Variants in GPR149 observed in about 807,000 individuals in gnomAD.
The protein encoded by GPR149 is probable G protein-coupled receptor 149.
GPR149 carries 50 observed loss-of-function variants against 50.2 expected under a neutral mutation model. The observed-to-expected ratio is 1.00, with a 90% CI of 0.79 to 1.26. The LOEUF (loss-of-function observed/expected upper bound fraction) is 1.26, where lower values mean the gene tolerates loss of function less well. Among genes scored for constraint, GPR149 ranks in the 50% most tolerant of loss-of-function variants. GPR149 has a pLI of 0.00. For synonymous variants in GPR149, 405 were observed against 358.2 expected, an observed-to-expected ratio of 1.13 and a Z score of -1.48; for missense variants, 983 against 895.4, an observed-to-expected ratio of 1.10 and a Z score of -1.25.
chr3:154,417,008 T>C (rs1712011056), intron 3 of GPR149, among the ~76,000 whole-genome samples: 1 of 151,928 alleles, frequency 6.6e-6, no homozygotes, highest in Admixed American at 6.6e-5. Flanking sequence ...GGTAATTTTA[T>C]GAACTTGGTA....
At chr3:154,382,386 G>A (rs1381185866) in intron 3 of GPR149, among the ~76,000 whole-genome samples, 1 of 152,174 alleles carries the variant, frequency 6.6e-6, no homozygotes, top group Non-Finnish European at 1.5e-5. Context: ...GGTGGATGGT[G>A]TGGGGAAACA....
intron 2 of GPR149, among the ~76,000 whole-genome samples, chr3:154,424,448 A>G (rs1712237221): frequency 6.6e-6 from 1 of 151,938 alleles, no homozygotes; most frequent in Admixed American, 6.6e-5. Context: ...AAAAAATGGT[A>G]TCTTTATAAT....
At chr3:154,407,719 C>CACACACACACACACACACACAT (rs759884952) in intron 3 of GPR149, among the ~76,000 whole-genome samples, 12 of 150,464 alleles carry the variant, frequency 8.0e-5, no homozygotes, top group East Asian at 5.9e-4. Context: ...CACACACACA[C>CACACACACACACACACACACAT]ATATATATAT....
intron 3 of GPR149, among the ~76,000 whole-genome samples, chr3:154,356,973 T>C (rs1013090862): frequency 1.2e-4 from 19 of 152,064 alleles, no homozygotes; most frequent in Admixed American, 8.5e-4. Context: ...GGTACTGGTA[T>C]CAAAACAGAG....
intron 3 of GPR149, among the ~76,000 whole-genome samples, chr3:154,377,994 T>G (rs1363838575): frequency 6.6e-6 from 1 of 152,058 alleles, no homozygotes; most frequent in Non-Finnish European, 1.5e-5. Flanking sequence ...CTTTGCATAC[T>G]GTTTTTGAAG....
intron 1 of GPR149, among the ~76,000 whole-genome samples, 175 bp downstream of exon 1, chr3:154,428,460 C>T (rs949195167): frequency 1.3e-5 from 2 of 152,190 alleles, no homozygotes; most frequent in Non-Finnish European, 2.9e-5. Flanking sequence ...AGCCAACTAG[C>T]CCTGTCCCGA....
chr3:154,392,427 G>A (rs7641081), intron 3 of GPR149, among the ~76,000 whole-genome samples: 98,807 of 151,502 alleles, frequency 0.65, 32,532 homozygotes, highest in East Asian at 0.8. Flanking sequence ...CTTAGGGGAT[G>A]CAGCAAAAGA....
At chr3:154,392,781 T>A (rs1483894740) in intron 3 of GPR149, among the ~76,000 whole-genome samples, 1 of 151,694 alleles carries the variant, frequency 6.6e-6, no homozygotes, top group Admixed American at 6.6e-5. Context: ...AATAAAAAGA[T>A]TGTAAAAAAC....
intron 3 of GPR149, among the ~76,000 whole-genome samples, chr3:154,357,113 A>T (rs1042830259): frequency 4.6e-5 from 7 of 152,224 alleles, no homozygotes; most frequent in Non-Finnish European, 8.8e-5. Context: ...TAGTGCTGGG[A>T]AAACTGGCTA....
intron 3 of GPR149, among the ~76,000 whole-genome samples, chr3:154,383,367 T>C (rs1327825296): frequency 6.6e-6 from 1 of 152,192 alleles, no homozygotes; most frequent in Non-Finnish European, 1.5e-5. Flanking sequence ...AAGGAAATGA[T>C]TCAAGTTAGG....
At chr3:154,345,662 G>A (rs1042169965) in intron 3 of GPR149, among the ~76,000 whole-genome samples, 7 of 152,158 alleles carry the variant, frequency 4.6e-5, no homozygotes, top group Admixed American at 3.9e-4. Context: ...ACTGACCTTC[G>A]GCACATTGAA....
chr3:154,402,726 T>A (rs1003765720), intron 3 of GPR149, among the ~76,000 whole-genome samples: 11 of 131,590 alleles, frequency 8.4e-5, no homozygotes, highest in African/African-American at 3.0e-4. Flanking sequence ...GTAAGTGCGT[T>A]GTCTATATCC....
intron 3 of GPR149, among the ~76,000 whole-genome samples, chr3:154,365,058 T>A (rs890044045): frequency 1.3e-5 from 2 of 152,192 alleles, no homozygotes; most frequent in Non-Finnish European, 2.9e-5. Context: ...CCTGTGGCAT[T>A]TCTTTGCCTG....
rs920069166 is a variant in GPR149 at position 154,337,151 on chromosome 3, G to A, written c.*548C>T. On this transcript the variant is annotated 3_prime_UTR_variant, in exon 4 of 4. Transcript: ENST00000389740. ...AACTATTTATAGACTAGGAACCTGC[G>A]TGTTTCTCAGTTGGAAGCTAATTTT... 9 of 152,278 alleles carry A rather than the reference G, an allele frequency of 5.9e-5. No individual in the cohort carries two copies. Among genetic ancestry groups the A allele is most frequent in the African/African-American group, 1.7e-4 (7 of 41,556 alleles). 9.4% of individuals were successfully genotyped at this position (152,278 alleles called of 1,614,324 possible).
Position 154,430,120 on chromosome 3 carries a change from G to A in GPR149, c.-505C>T, listed in dbSNP as rs1408123296. ...TGTCAGGTAGGTTTCAGCTTTGAAG[G>A]TGGAGAGAGAGAGAGAGACAGAGAG... is the stretch of plus-strand genomic sequence containing the variant. On this transcript the variant is annotated 5_prime_UTR_variant, in exon 1 of 4. Coordinates refer to ENST00000389740, the MANE Select transcript of GPR149 (RefSeq NM_001038705.3). Among the ~76,000 whole-genome samples the A allele has an allele frequency of 6.8e-6, 1 of 147,152 alleles. No homozygotes were observed. The highest frequency in any genetic ancestry group is 1.5e-5 in the Non-Finnish European group (1 of 67,320).
chr3:154,392,149 C>T (rs1203040188), intron 3 of GPR149, among the ~76,000 whole-genome samples: 1 of 151,428 alleles, frequency 6.6e-6, no homozygotes, highest in Non-Finnish European at 1.5e-5. Context: ...CAGTATAGAA[C>T]AAATTAATCT....
Position 154,337,876 on chromosome 3 carries a change from G to A in GPR149, c.2019C>T (p.Ser673=), listed in dbSNP as rs770055694. The change falls in exon 4 of 4, where the codon TCC becomes TCT. Residue 673 remains serine, a synonymous_variant. Transcript: ENST00000389740. Reference sequence around the variant, plus strand: ...CAGGATTACTGGTGGGCAAAAAGAGGGAGTATGAGGCTGTTTCCCCTAGGT... The same window carrying A: ...CAGGATTACTGGTGGGCAAAAAGAGAGAGTATGAGGCTGTTTCCCCTAGGT... ...SCDLGETASY[S]LFLPTSNPDG... is the part of the protein sequence containing the mutation. 1 of 1,613,636 alleles carries A rather than the reference G, an allele frequency of 6.2e-7. No homozygotes were observed.
rs3075921 is a variant in GPR149 at position 154,429,821 on chromosome 3, TAAA to T, written c.-209_-207del. On this transcript the variant is annotated 5_prime_UTR_variant, in exon 1 of 4. Coordinates refer to ENST00000389740, the MANE Select transcript of GPR149 (RefSeq NM_001038705.3). The stretch of plus-strand genomic sequence containing the variant: ...TAAAAATTAGGTTCCATTTCAAGCA[TAAA>T]AAAAAAAAAACCCGAACAGATAACT... The T allele has an allele frequency of 1.4e-3, 445 of 328,862 alleles. No homozygotes were observed. Among genetic ancestry groups the T allele is most frequent in the East Asian group, 3.0e-3 (60 of 20,250 alleles). 20.4% of individuals were successfully genotyped at this position (328,862 alleles called of 1,614,324 possible).
At position 154,421,456 on chromosome 3, in the gene GPR149, T is replaced by C. The variant is rs763950713; in HGVS notation, c.1206A>G (p.Ser402=). 3 of 1,589,426 alleles carry C rather than the reference T, an allele frequency of 1.9e-6. No individual in the cohort carries two copies. The highest frequency in any genetic ancestry group is 1.1e-5 in the South Asian group (1 of 87,260). ...IKRKGFEFNL[S]FQKSYGIYKI... ...TATAAATCCCATAACTTTTTTGGAA[T>C]GATAGATTGAATTCAAAGCCTTTTC... Residue 402 remains serine (S), a synonymous_variant, in exon 3 of 4, where the codon TCA becomes TCG. Transcript: ENST00000389740.
Sources: allele counts gnomAD v4.1 joint callset (sites outside exome capture counted in the v4.1 genomes callset), GRCh38; gene constraint gnomAD v4.1.1; transcripts MANE v1.5; gene names NCBI Gene and HGNC (gene_info 2026-07-23, HGNC 2026-07-21).